Variants in PARD3 observed in about 807,000 individuals in gnomAD.
PARD3 encodes partitioning defective 3 homolog.
Under a neutral mutation model 155.4 loss-of-function variants are expected in PARD3, and 75 were observed. The ratio of observed to expected loss-of-function variants is 0.48; its 90% CI spans 0.40 to 0.58. The LOEUF (loss-of-function observed/expected upper bound fraction) is 0.58, where lower values mean the gene tolerates loss of function less well. PARD3 is among the 20% of genes least tolerant of loss of function. The pLI, the probability that PARD3 is intolerant of heterozygous loss-of-function variation, is 0.00. For synonymous variants in PARD3, 576 were observed against 610.5 expected, an observed-to-expected ratio of 0.94 and a Z score of 0.83; for missense variants, 1,642 against 1,721.7, an observed-to-expected ratio of 0.95 and a Z score of 0.82.
At chr10:34,559,042 T>TCC (rs886905007) in intron 2 of PARD3, among the ~76,000 whole-genome samples, 10 of 150,102 alleles carry the variant, frequency 6.7e-5, no homozygotes, top group Middle Eastern at 3.4e-3. Flanking sequence ...AACTCATTTT[T>TCC]CCCCCCCACA....
chr10:34,735,826 T>C (rs1198971198), intron 1 of PARD3, among the ~76,000 whole-genome samples: 2 of 152,202 alleles, frequency 1.3e-5, no homozygotes, highest in African/African-American at 2.4e-5. Context: ...TGTACTGTAG[T>C]ATAATCCCAT....
chr10:34,574,552 A>G (rs766772590), intron 2 of PARD3, among the ~76,000 whole-genome samples: 13 of 152,244 alleles, frequency 8.5e-5, no homozygotes, highest in Non-Finnish European at 1.5e-4. Context: ...GACCCATCCC[A>G]GTGCATACGC....
intron 1 of PARD3, among the ~76,000 whole-genome samples, chr10:34,788,184 T>C (rs934440649): frequency 2.6e-5 from 4 of 152,136 alleles, no homozygotes; most frequent in African/African-American, 4.8e-5. Flanking sequence ...AGGAAACTTT[T>C]GAATTTCACT....
At chr10:34,276,083 T>C (rs1955863571) in intron 21 of PARD3, among the ~76,000 whole-genome samples, 2 of 152,158 alleles carry the variant, frequency 1.3e-5, no homozygotes, top group African/African-American at 4.8e-5. Flanking sequence ...CAGGCAGTTG[T>C]ACCACCCGAC....
intron 3 of PARD3, among the ~76,000 whole-genome samples, chr10:34,512,948 G>C (rs1404351271): frequency 6.6e-6 from 1 of 152,016 alleles, no homozygotes; most frequent in African/African-American, 2.4e-5. Flanking sequence ...TCATTAGGCA[G>C]TTCTTTTTTT....
intron 22 of PARD3, among the ~76,000 whole-genome samples, chr10:34,139,341 A>C (rs929151717): frequency 2.0e-5 from 3 of 152,210 alleles, no homozygotes; most frequent in South Asian, 2.1e-4. Flanking sequence ...AGAAAAATTT[A>C]TCTCTTTACT....
chr10:34,273,119 C>T (rs1039103465), intron 21 of PARD3, among the ~76,000 whole-genome samples: 2 of 152,114 alleles, frequency 1.3e-5, no homozygotes, highest in Admixed American at 6.5e-5. Context: ...CCTCCCGGTA[C>T]GTATCCCAAA....
chr10:34,738,563 C>G (rs552226627), intron 1 of PARD3, among the ~76,000 whole-genome samples: 56 of 151,702 alleles, frequency 3.7e-4, no homozygotes, highest in African/African-American at 1.3e-3. Flanking sequence ...AGCCAACATA[C>G]GGAGACCCCA....
chr10:34,748,086 T>C (rs913042223), intron 1 of PARD3, among the ~76,000 whole-genome samples: 12 of 151,952 alleles, frequency 7.9e-5, no homozygotes, highest in Non-Finnish European at 1.2e-4. Context: ...AAGCAGAAAA[T>C]GCGGGAGGAG....
At chr10:34,301,838 T>TTTA (rs35384047) in intron 20 of PARD3, among the ~76,000 whole-genome samples, 4 of 147,814 alleles carry the variant, frequency 2.7e-5, no homozygotes, top group East Asian at 1.9e-4. Flanking sequence ...TTTTTTTTTT[T>TTTA]AACATCAAAT....
chr10:34,167,848 T>A (rs1949606666), intron 22 of PARD3, among the ~76,000 whole-genome samples: 2 of 152,152 alleles, frequency 1.3e-5, no homozygotes, highest in Admixed American at 1.3e-4. Flanking sequence ...TTTGATAGCT[T>A]CTCATTTGTG....
intron 23 of PARD3, among the ~76,000 whole-genome samples, chr10:34,129,698 C>CCCT (rs1947492472): frequency 1.7e-5 from 1 of 59,708 alleles, no homozygotes; most frequent in African/African-American, 5.5e-5. Context: ...AATGTCAAGC[C>CCCT]TCTTTTTTTT....
intron 20 of PARD3, among the ~76,000 whole-genome samples, chr10:34,309,758 G>A (rs866062846): frequency 9.3e-5 from 5 of 53,538 alleles, no homozygotes; most frequent in Non-Finnish European, 1.3e-4. Flanking sequence ...CCACCCCCCC[G>A]CCCCCCCAAG....
intron 2 of PARD3, among the ~76,000 whole-genome samples, chr10:34,517,816 G>A (rs1780578): frequency 0.18 from 27,468 of 152,126 alleles, 5,812 homozygotes; most frequent in African/African-American, 0.52. Context: ...GAAAAAGCTA[G>A]AATAAACTGG....
In PARD3 at chr10:34,345,604, T is replaced by C. The variant is rs74134110; in HGVS notation, c.2218+2361A>G. 3.5e-3 allele frequency: 3,461 copies of C among 985,318 alleles called. 104 individuals are homozygous for C. The African/African-American group carries it at 0.056, about 16-fold the overall frequency. The allele number at this position is 985,318 out of a possible 1,614,324, so 61.0% of individuals were successfully genotyped here. On this transcript the variant is annotated intron_variant, in intron 15 of 24. Coordinates refer to ENST00000374788, the MANE Select transcript of PARD3 (RefSeq NM_001184785.2). ...TGCAAATCAATAAACACTGTTGTTATTGGTTTAGGCGAATGGAAATCCAAA... is the reference window on the plus strand; with the variant it reads ...TGCAAATCAATAAACACTGTTGTTACTGGTTTAGGCGAATGGAAATCCAAA...
intron 1 of PARD3, among the ~76,000 whole-genome samples, chr10:34,720,946 A>AT (rs1341186525): frequency 1.3e-5 from 2 of 152,296 alleles, no homozygotes; most frequent in African/African-American, 4.8e-5. Flanking sequence ...GCCTTTAATG[A>AT]TTTTCACTCT....
chr10:34,714,485 G>A (rs2094489884), intron 1 of PARD3, among the ~76,000 whole-genome samples: 1 of 152,260 alleles, frequency 6.6e-6, no homozygotes, highest in East Asian at 1.9e-4. Context: ...CCAAGTTAAA[G>A]TGCCACAGCA....
At chr10:34,740,065 GGA>G (rs374080715) in intron 1 of PARD3, among the ~76,000 whole-genome samples, 3 of 152,312 alleles carry the variant, frequency 2.0e-5, no homozygotes, top group African/African-American at 7.2e-5. Context: ...GACTTGAGCT[GGA>G]GAGAGAGAAA....
At chr10:34,373,949 C>T (rs1452154066) in intron 11 of PARD3, among the ~76,000 whole-genome samples, 4 of 152,094 alleles carry the variant, frequency 2.6e-5, no homozygotes, top group East Asian at 1.9e-4. Flanking sequence ...TTGGAAACCT[C>T]GTTTCTAAAA....
Sources: gnomAD v4.1 joint callset for allele counts (sites outside exome capture counted in the v4.1 genomes callset) on GRCh38, gnomAD v4.1.1 for gene constraint, MANE v1.5 for transcripts, NCBI Gene and HGNC (gene_info 2026-07-23, HGNC 2026-07-21) for gene names.